The following L3MBTL1 variants were observed in gnomAD, a reference collection of about 807,000 sequenced individuals.
L3MBTL1 encodes lethal(3)malignant brain tumor-like protein 1.
L3MBTL1 carries 75 observed loss-of-function variants against 105.3 expected under a neutral mutation model. That is an observed-to-expected ratio of 0.71 (90% CI 0.59 to 0.86). The LOEUF is 0.86. Among genes scored for constraint, L3MBTL1 ranks in the 40% least tolerant of loss-of-function variants. The pLI, the probability that L3MBTL1 is intolerant of heterozygous loss-of-function variation, is 0.00. For synonymous variants in L3MBTL1, 452 were observed against 436.2 expected (o/e 1.04, Z -0.45); for missense variants, 1,069 against 1,126.4 (o/e 0.95, Z 0.73).
chr20:43,514,504 C>G (rs1366426279), intron 3 of L3MBTL1, 131 bp from the exon 4 acceptor site: 3 of 1,544,938 alleles, frequency 1.9e-6, no homozygotes, highest in Non-Finnish European at 2.6e-6. Flanking sequence ...GTGAGGCCCC[C>G]TGGCGTGGAG....
chr20:43,511,504 GGACTC>G (rs1340407561), intron 1 of L3MBTL1, among the ~76,000 whole-genome samples: 3 of 152,138 alleles, frequency 2.0e-5, no homozygotes, highest in Non-Finnish European at 4.4e-5. Flanking sequence ...TGGTCAGGCC[GGACTC>G]GATGGCTCAC....
rs746402518 is a variant in L3MBTL1 at position 43,535,985 on chromosome 20, CTGCA to C, written c.1925+54_1925+57del. On this transcript the variant is annotated intron_variant, in intron 17 of 21. Transcript: ENST00000418998. ...GACCCTCAGCGTTGTTTTGCACTTA[CTGCA>C]TGCAGGCGACTGGGGTCCACCAAAA... 6.9e-6 allele frequency: 11 copies of C among 1,589,584 alleles called. 1 individual carries two copies. Among genetic ancestry groups the C allele is most frequent in the Admixed American group, 3.4e-5 (2 of 59,170 alleles).
intron 1 of L3MBTL1, among the ~76,000 whole-genome samples, chr20:43,512,495 A>C (rs2018159434): frequency 6.6e-6 from 1 of 152,220 alleles, no homozygotes; most frequent in Non-Finnish European, 1.5e-5. Context: ...ACAGGCATGC[A>C]CCACTGTACC....
intron 7 of L3MBTL1, among the ~76,000 whole-genome samples, chr20:43,517,262 C>G (rs1288809936): frequency 6.6e-6 from 1 of 151,582 alleles, no homozygotes; most frequent in Non-Finnish European, 1.5e-5. Flanking sequence ...CCACATGTGG[C>G]TAATTTTTGT....
chr20:43,533,923 T>G (rs1190682690), intron 13 of L3MBTL1, 85 bp from the exon 14 acceptor site: 16 of 945,256 alleles, frequency 1.7e-5, no homozygotes. Flanking sequence ...CTTCTGTCCC[T>G]TCCATGTTCC....
In L3MBTL1 at chr20:43,541,059, T is replaced by G. The variant is rs1324072077; in HGVS notation, c.2520T>G (p.His840Gln). 6.2e-7 allele frequency: 1 copy of G among 1,614,214 alleles called. No homozygotes were observed. Among genetic ancestry groups the G allele is most frequent in the Non-Finnish European group, 8.5e-7 (1 of 1,180,038 alleles). Residue 840 changes from histidine to glutamine, a missense_variant, in exon 22 of 22, where the codon CAT (histidine) becomes CAG (glutamine). His to Gln is a conservative substitution (Grantham distance 24). Coordinates refer to ENST00000418998, the MANE Select transcript of L3MBTL1 (RefSeq NM_001377303.1). ...AAGGCATCCTGGAGACAGGAGTCCA[T>G]TCACTCCTCTGCTCTCTACCCACTC... ...EGKGILETGVHSLLCSLPTHL... is the reference protein window; with the variant it reads ...EGKGILETGVQSLLCSLPTHL...
At chr20:43,530,227 G>A (rs2019256377) in intron 9 of L3MBTL1, 57 bp from the exon 10 acceptor site, 2 of 1,609,866 alleles carry the variant, frequency 1.2e-6, no homozygotes, top group Non-Finnish European at 1.7e-6. Flanking sequence ...AGGTGAGGCA[G>A]ATGGGGAGTG....
chr20:43,521,268 A>C (rs1246992462), intron 7 of L3MBTL1, among the ~76,000 whole-genome samples: 1 of 152,240 alleles, frequency 6.6e-6, no homozygotes, highest in Admixed American at 6.5e-5. Context: ...TGATTCTTGA[A>C]TCTTGGCATT....
chr20:43,544,839 T>C (rs1340494210), downstream of L3MBTL1, among the ~76,000 whole-genome samples: 1 of 151,942 alleles, frequency 6.6e-6, no homozygotes, highest in East Asian at 1.9e-4. Flanking sequence ...TGGTGGTGCA[T>C]GCCTGTAGTC....
At chr20:43,514,482 G>A in intron 3 of L3MBTL1, 153 bp from the exon 4 acceptor site, 1 of 1,527,880 alleles carries the variant, frequency 6.5e-7, no homozygotes, top group Non-Finnish European at 8.8e-7. Flanking sequence ...GGTTTGGCTG[G>A]TGTAGCTTGG....
Position 43,535,888 on chromosome 20 carries a change from A to G in L3MBTL1, c.1877A>G (p.Tyr626Cys), listed in dbSNP as rs762889335. ...CCTGGGGGCTGTCCCCCTCTCAGCTATAGGAGCCTGCCCCACACTAGGACC... is the reference window on the plus strand; with the variant it reads ...CCTGGGGGCTGTCCCCCTCTCAGCTGTAGGAGCCTGCCCCACACTAGGACC... ...ASPGGCPPLS[Y>C]RSLPHTRTSK... is the part of the protein sequence containing the mutation. Residue 626 changes from tyrosine to cysteine, a missense_variant, in exon 17 of 22, where the codon TAT becomes TGT. Transcript: ENST00000418998. 75 of 1,613,234 alleles carry G rather than the reference A, an allele frequency of 4.6e-5. 1 individual carries two copies. The East Asian group carries it at 5.3e-4, about 12-fold the overall frequency.
At chr20:43,530,690 TG>T (rs1568924794) in intron 10 of L3MBTL1, 107 bp from the exon 11 acceptor site, 7 of 1,050,210 alleles carry the variant, frequency 6.7e-6, no homozygotes, top group East Asian at 2.5e-5. Flanking sequence ...TCTTGAGGGT[TG>T]GGGGGAGGTC....
chr20:43,519,135 G>A (rs1043587767), intron 7 of L3MBTL1, among the ~76,000 whole-genome samples: 13 of 151,868 alleles, frequency 8.6e-5, no homozygotes, highest in East Asian at 1.9e-4. Flanking sequence ...TCAGGAATTC[G>A]AGACCAGCCC....
intron 7 of L3MBTL1, among the ~76,000 whole-genome samples, chr20:43,522,041 T>C (rs2018737193): frequency 6.6e-6 from 1 of 152,210 alleles, no homozygotes; most frequent in Non-Finnish European, 1.5e-5. Context: ...TAACATTTTA[T>C]TCCTTGAGAT....
At chr20:43,534,967 T>A in intron 16 of L3MBTL1, 25 bp downstream of exon 16, 1 of 1,489,764 alleles carries the variant, frequency 6.7e-7, no homozygotes, top group Non-Finnish European at 9.2e-7. Context: ...GGCACTCTGA[T>A]CTTTTCCTTT....
chr20:43,530,607 C>G, intron 10 of L3MBTL1, 188 bp downstream of exon 10: 3 of 775,894 alleles, frequency 3.9e-6, no homozygotes, highest in Admixed American at 2.7e-5. Context: ...CTAGAACTTC[C>G]GCTTTGCACT....
exon 19 of L3MBTL1, chr20:43,548,724 CTCTT>C (rs772820582): frequency 6.6e-6 from 1 of 152,486 alleles, no homozygotes; most frequent in African/African-American, 2.4e-5. Context: ...GGTACCTCCT[CTCTT>C]TCTGTCTGCT....
intron 1 of L3MBTL1, among the ~76,000 whole-genome samples, chr20:43,508,180 TTTTG>T (rs918668604): frequency 1.3e-5 from 2 of 151,900 alleles, no homozygotes; most frequent in Non-Finnish European, 2.9e-5. Flanking sequence ...ATGGAATTTT[TTTTG>T]TTTCTCTCTC....
downstream of L3MBTL1, among the ~76,000 whole-genome samples, chr20:43,542,292 T>C (rs2019948460): frequency 6.6e-6 from 1 of 152,184 alleles, no homozygotes; most frequent in Admixed American, 6.5e-5. Context: ...AGTTTCCTCC[T>C]TTGAGCTGTG....
Sources: allele counts gnomAD v4.1 joint callset (sites outside exome capture counted in the v4.1 genomes callset), GRCh38; gene constraint gnomAD v4.1.1; transcripts MANE v1.5; gene names NCBI Gene and HGNC (gene_info 2026-07-23, HGNC 2026-07-21).